The following LINGO2 variants were observed in gnomAD, a reference collection of about 807,000 sequenced individuals.
The protein encoded by LINGO2 is leucine rich repeat and Ig domain containing 2, also known as leucine-rich repeat and immunoglobulin-like domain-containing nogo receptor-interacting protein 2.
A neutral mutation model predicts 30.6 loss-of-function variants in LINGO2; 14 were observed. The ratio of observed to expected loss-of-function variants is 0.46; its 90% CI spans 0.30 to 0.72. The LOEUF (loss-of-function observed/expected upper bound fraction) is 0.72. Among genes scored for constraint, LINGO2 ranks in the 30% least tolerant of loss-of-function variants. LINGO2 has a pLI of 0.07. For synonymous variants in LINGO2, 317 were observed against 288.5 expected, an observed-to-expected ratio of 1.10 and a Z score of -1.00; for missense variants, 729 against 751.7, an observed-to-expected ratio of 0.97 and a Z score of 0.35.
At chr9:29,103,142 C>G in the LINGO2 span, among the ~76,000 whole-genome samples, 1 of 152,058 alleles carries the variant, frequency 6.6e-6, no homozygotes, top group Non-Finnish European at 1.5e-5. Context: ...TTCACAGCAC[C>G]ACCACCAGCC....
At chr9:28,067,714 C>T (rs1825355482) in intron 4 of LINGO2, among the ~76,000 whole-genome samples, 1 of 152,186 alleles carries the variant, frequency 6.6e-6, no homozygotes, top group South Asian at 2.1e-4. Flanking sequence ...GGATGTAACA[C>T]AACCCATGAG....
chr9:28,891,653 T>C, the LINGO2 span, among the ~76,000 whole-genome samples: 1 of 151,970 alleles, frequency 6.6e-6, no homozygotes, highest in African/African-American at 2.4e-5. Context: ...ATGAAAACTA[T>C]ACCCATTCCT....
chr9:29,202,664 A>G, the LINGO2 span, among the ~76,000 whole-genome samples: 1 of 152,018 alleles, frequency 6.6e-6, no homozygotes, highest in Non-Finnish European at 1.5e-5. Context: ...GTAATTTGAA[A>G]CCATTTATTT....
chr9:29,111,222 G>A, the LINGO2 span, among the ~76,000 whole-genome samples: 1 of 152,074 alleles, frequency 6.6e-6, no homozygotes, highest in Non-Finnish European at 1.5e-5. Flanking sequence ...GTGTTCTGTT[G>A]ACACAGTCAC....
chr9:28,558,647 T>G (rs1822878787), intron 1 of LINGO2, among the ~76,000 whole-genome samples: 1 of 152,066 alleles, frequency 6.6e-6, no homozygotes, highest in Non-Finnish European at 1.5e-5. Context: ...AAGTCCCTGG[T>G]GGGACAAATC....
the LINGO2 span, among the ~76,000 whole-genome samples, chr9:28,696,477 A>C: frequency 8.6e-5 from 13 of 151,948 alleles, no homozygotes; most frequent in Non-Finnish European, 1.8e-4. Flanking sequence ...AGTCTCCAAT[A>C]GAGCTTTAAG....
chr9:28,698,270 A>T, the LINGO2 span, among the ~76,000 whole-genome samples: 1 of 152,082 alleles, frequency 6.6e-6, no homozygotes, highest in Non-Finnish European at 1.5e-5. Flanking sequence ...AGATACATTT[A>T]TAATAAGCCA....
At chr9:28,938,187 G>T in the LINGO2 span, among the ~76,000 whole-genome samples, 2 of 152,134 alleles carry the variant, frequency 1.3e-5, no homozygotes, top group African/African-American at 4.8e-5. Context: ...TCCAGTGGCA[G>T]GACCTCTGCT....
intron 3 of LINGO2, among the ~76,000 whole-genome samples, chr9:28,340,247 T>G (rs1482787066): frequency 6.6e-6 from 1 of 152,158 alleles, no homozygotes; most frequent in African/African-American, 2.4e-5. Flanking sequence ...ACTCATAAAG[T>G]TAGTATGAAG....
chr9:29,152,469 T>C, the LINGO2 span, among the ~76,000 whole-genome samples: 4 of 152,114 alleles, frequency 2.6e-5, no homozygotes, highest in Admixed American at 6.5e-5. Flanking sequence ...CCATGGAATA[T>C]GAAAGCCATG....
chr9:28,640,996 G>A (rs1255648150), intron 1 of LINGO2, among the ~76,000 whole-genome samples: 1 of 152,098 alleles, frequency 6.6e-6, no homozygotes, highest in African/African-American at 2.4e-5. Flanking sequence ...ACGTACAGAT[G>A]GGGTTTTGGT....
intron 4 of LINGO2, among the ~76,000 whole-genome samples, chr9:28,018,021 T>C (rs1822927467): frequency 6.6e-6 from 1 of 151,952 alleles, no homozygotes; most frequent in East Asian, 1.9e-4. Flanking sequence ...CATAGACCAA[T>C]GAAACAGAAT....
At chr9:28,497,787 G>GT (rs1819701537) in intron 1 of LINGO2, among the ~76,000 whole-genome samples, 1 of 152,188 alleles carries the variant, frequency 6.6e-6, no homozygotes, top group Non-Finnish European at 1.5e-5. Context: ...CATCTTTGTG[G>GT]TTTTGTCTAC....
the LINGO2 span, among the ~76,000 whole-genome samples, chr9:29,179,677 T>G: frequency 6.6e-6 from 1 of 152,182 alleles, no homozygotes; most frequent in African/African-American, 2.4e-5. Context: ...AGTGCTGGGA[T>G]TACAGGCGTG....
intron 2 of LINGO2, among the ~76,000 whole-genome samples, chr9:28,387,504 T>C (rs1472964551): frequency 6.6e-6 from 1 of 152,204 alleles, no homozygotes; most frequent in Non-Finnish European, 1.5e-5. Context: ...TTCCACGTTG[T>C]AGAAGCCTTT....
the LINGO2 span, among the ~76,000 whole-genome samples, chr9:28,792,528 A>G: frequency 6.6e-6 from 1 of 152,194 alleles, no homozygotes; most frequent in South Asian, 2.1e-4. Context: ...ATAAAGAAAA[A>G]AATTGCTTTA....
At chr9:28,893,408 C>CT in the LINGO2 span, among the ~76,000 whole-genome samples, 1 of 151,938 alleles carries the variant, frequency 6.6e-6, no homozygotes, top group African/African-American at 2.4e-5. Flanking sequence ...CTGAGAAAGT[C>CT]TATTTATTTT....
chr9:27,957,310 G>T (rs982994624), intron 5 of LINGO2, among the ~76,000 whole-genome samples: 5 of 151,806 alleles, frequency 3.3e-5, no homozygotes, highest in Non-Finnish European at 5.9e-5. Flanking sequence ...TTGTTTGTTT[G>T]TTGGGACAGA....
At chr9:28,554,166 A>T (rs962193823) in intron 1 of LINGO2, among the ~76,000 whole-genome samples, 2 of 151,572 alleles carry the variant, frequency 1.3e-5, no homozygotes, top group African/African-American at 4.9e-5. Context: ...TTTAAACGTA[A>T]ATGGACTAAA....
Sources: gnomAD v4.1 joint callset for allele counts (sites outside exome capture counted in the v4.1 genomes callset) on GRCh38, gnomAD v4.1.1 for gene constraint, MANE v1.5 for transcripts, NCBI Gene and HGNC (gene_info 2026-07-23, HGNC 2026-07-21) for gene names.